The following ZNF438 variants were observed in gnomAD, a reference collection of about 807,000 sequenced individuals.
The protein encoded by ZNF438 is zinc finger protein 438.
Under a neutral mutation model 38.0 loss-of-function variants are expected in ZNF438, and 25 were observed. That is an observed-to-expected ratio of 0.66 (90% CI 0.48 to 0.92). The LOEUF (loss-of-function observed/expected upper bound fraction) is 0.92. ZNF438 is among the 40% of genes least tolerant of loss of function. The probability of loss-of-function intolerance (pLI) is 0.00; values close to 1 mark genes in which losing one functional copy is unlikely to be tolerated. For synonymous variants in ZNF438, 372 were observed against 364.1 expected (o/e 1.02, Z -0.25); for missense variants, 1,007 against 999.6 (o/e 1.01, Z -0.10).
At chr10:30,849,916 T>G (rs2033234351) in exon 5 of ZNF438, 1 of 1,613,822 alleles carries the variant, frequency 6.2e-7, no homozygotes, top group Non-Finnish European at 8.5e-7. Context: ...GGTGGTGAGG[T>G]GGGGAAGGGG....
intron 1 of ZNF438, among the ~76,000 whole-genome samples, chr10:30,970,995 T>C (rs964269814): frequency 2.6e-5 from 4 of 152,200 alleles, no homozygotes; most frequent in African/African-American, 9.6e-5. Context: ...TCTGGGGACT[T>C]GGTAAAGGCC....
intron 4 of ZNF438, among the ~76,000 whole-genome samples, chr10:30,858,276 GT>G (rs771543283): frequency 9.2e-5 from 14 of 152,180 alleles, no homozygotes; most frequent in Non-Finnish European, 1.6e-4. Flanking sequence ...TGTTATCCCT[GT>G]TTTCCCTGCC....
At chr10:30,988,538 C>A (rs1046637455) in intron 1 of ZNF438, among the ~76,000 whole-genome samples, 5 of 151,722 alleles carry the variant, frequency 3.3e-5, no homozygotes, top group African/African-American at 1.2e-4. Flanking sequence ...AATTATTGTA[C>A]CTAATAAATA....
intron 1 of ZNF438, among the ~76,000 whole-genome samples, chr10:30,956,331 C>A (rs920914480): frequency 2.0e-5 from 3 of 152,078 alleles, no homozygotes; most frequent in African/African-American, 7.2e-5. Flanking sequence ...AAACTGACAT[C>A]TTTTTAAAGT....
intron 1 of ZNF438, among the ~76,000 whole-genome samples, chr10:30,983,590 A>G (rs1176200228): frequency 6.6e-6 from 1 of 152,242 alleles, no homozygotes; most frequent in Non-Finnish European, 1.5e-5. Flanking sequence ...AGATTTGGGC[A>G]GGGACACAAA....
intron 1 of ZNF438, among the ~76,000 whole-genome samples, chr10:30,943,714 A>G (rs1434597396): frequency 6.6e-6 from 1 of 152,162 alleles, no homozygotes; most frequent in African/African-American, 2.4e-5. Context: ...GAAAAGGGAG[A>G]TGGTAGTGAA....
chr10:30,951,837 C>T (rs1294556431), intron 1 of ZNF438, among the ~76,000 whole-genome samples: 12 of 151,072 alleles, frequency 7.9e-5, no homozygotes, highest in African/African-American at 2.2e-4. Context: ...AGGTAATTTA[C>T]AGATTCAATG....
At chr10:30,850,429 A>G (rs1176958306) in intron 4 of ZNF438, 62 bp from the exon 6 acceptor site, 1 of 1,528,674 alleles carries the variant, frequency 6.5e-7, no homozygotes, top group Non-Finnish European at 8.8e-7. Context: ...TGATACTTCA[A>G]ACAACAAGCA....
intron 2 of ZNF438, among the ~76,000 whole-genome samples, chr10:30,938,681 T>A (rs992997202): frequency 6.6e-6 from 1 of 152,258 alleles, no homozygotes; most frequent in Non-Finnish European, 1.5e-5. Flanking sequence ...ATTTTTTATG[T>A]TTATGAAGCA....
At chr10:30,850,405 A>C in intron 4 of ZNF438, 38 bp from the exon 6 acceptor site, 1 of 1,577,600 alleles carries the variant, frequency 6.3e-7, no homozygotes, top group Admixed American at 1.7e-5. Flanking sequence ...TACTGTATGT[A>C]ACTGTTCTGT....
At chr10:30,936,651 G>C (rs2994631) in intron 2 of ZNF438, among the ~76,000 whole-genome samples, 19,092 of 152,080 alleles carry the variant, frequency 0.13, 1,607 homozygotes, top group Middle Eastern at 0.24. Context: ...TCCAGCCTAG[G>C]GGAGGAGCAA....
rs563189482 is a variant in ZNF438, at chr10:31,010,892, G to GAAAAAAAAAAAA, written c.-192+20929_-192+20940dup. ...TGGATAACGAAGTGAGACCCTGTTT[G>GAAAAAAAAAAAA]AAAAAAAAAAAAAAAAAAAAAAAAA... On this transcript the variant is annotated intron_variant, in intron 1 of 5. Coordinates refer to ENST00000413025, the Ensembl canonical transcript of ZNF438. Among the ~76,000 whole-genome samples the GAAAAAAAAAAAA allele has an allele frequency of 1.1e-3, 104 of 92,584 alleles. 5 individuals are homozygous for GAAAAAAAAAAAA. Among genetic ancestry groups the GAAAAAAAAAAAA allele is most frequent in the Non-Finnish European group, 1.4e-3 (71 of 51,812 alleles). 60.7% of individuals were successfully genotyped at this position (92,584 alleles called of 152,430 possible).
intron 1 of ZNF438, among the ~76,000 whole-genome samples, chr10:30,958,023 G>A (rs1227535324): frequency 1.4e-5 from 2 of 146,922 alleles, no homozygotes; most frequent in Non-Finnish European, 3.1e-5. Flanking sequence ...GTCAGGTAGT[G>A]TGATGCCTCC....
rs1182435296 is a variant in ZNF438 at position 30,877,777 on chromosome 10, G to GAA, written c.-31-714_-31-713dup. Among the ~76,000 whole-genome samples, 3 of 152,134 alleles carry GAA rather than the reference G, an allele frequency of 2.0e-5. No individual in the cohort carries two copies. The East Asian group carries it at 5.8e-4, about 29-fold the overall frequency. ...TCTGAATAAGACAATTCAAATATTT[G>GAA]AAAAATAGAAGTAAATTTTTTTATA... On this transcript the variant is annotated intron_variant, in intron 3 of 5. Transcript: ENST00000413025.
At chr10:30,967,761 A>T (rs1474121848) in intron 1 of ZNF438, among the ~76,000 whole-genome samples, 1 of 152,192 alleles carries the variant, frequency 6.6e-6, no homozygotes, top group Non-Finnish European at 1.5e-5. Flanking sequence ...GTTCGCCTAC[A>T]AGATCACCTG....
chr10:30,935,751 C>T (rs138532856), intron 2 of ZNF438, among the ~76,000 whole-genome samples: 242 of 152,250 alleles, frequency 1.6e-3, no homozygotes, highest in Non-Finnish European at 2.3e-3. Flanking sequence ...CAAAAGGAAG[C>T]AGGCACGTCT....
intron 4 of ZNF438, among the ~76,000 whole-genome samples, chr10:30,858,326 A>G (rs189911778): frequency 4.9e-4 from 75 of 152,228 alleles, no homozygotes; most frequent in Non-Finnish European, 9.0e-4. Context: ...TGGGGTTCAA[A>G]CTGTTTCCCA....
intron 1 of ZNF438, among the ~76,000 whole-genome samples, chr10:30,977,737 C>A (rs1359764028): frequency 6.6e-6 from 1 of 152,082 alleles, no homozygotes; most frequent in Admixed American, 6.5e-5. Flanking sequence ...GTAATACCAA[C>A]ACTTTGGGAG....
chr10:30,851,206 A>T (rs528000957), intron 4 of ZNF438, among the ~76,000 whole-genome samples: 1 of 152,372 alleles, frequency 6.6e-6, no homozygotes, highest in Admixed American at 6.5e-5. Flanking sequence ...TAGGATACTA[A>T]TAGGAACAAT....
Sources: allele counts gnomAD v4.1 joint callset (sites outside exome capture counted in the v4.1 genomes callset), GRCh38; gene constraint gnomAD v4.1.1; transcripts MANE v1.5; gene names NCBI Gene and HGNC (gene_info 2026-07-23, HGNC 2026-07-21).